The following DYNAP variants were observed in gnomAD, a reference collection of about 807,000 sequenced individuals.
DYNAP encodes dynactin-associated protein.
A neutral mutation model predicts 8.5 loss-of-function variants in DYNAP; 7 were observed. The ratio of observed to expected loss-of-function variants is 0.82; its 90% CI spans 0.47 to 1.54. The LOEUF is 1.54. Among genes scored for constraint, DYNAP ranks in the 40% most tolerant of loss-of-function variants. The pLI is 0.01. For missense variants in DYNAP, 256 were observed against 224.3 expected, an observed-to-expected ratio of 1.14 and a Z score of -0.90; for synonymous variants, 77 against 77.9, an observed-to-expected ratio of 0.99 and a Z score of 0.06.
At chr18:54,589,220 C>CT (rs1910979948), upstream of DYNAP, among the ~76,000 whole-genome samples, 4 of 152,090 alleles carry the variant, frequency 2.6e-5, no homozygotes, top group South Asian at 8.3e-4. Flanking sequence ...CCCTTGCCGC[C>CT]TTAGAGTGGA....
In DYNAP at chr18:54,598,594, A is replaced by G. The variant is rs1421687104; in HGVS notation, c.*449A>G. 3.1e-5 allele frequency: 5 copies of G among 159,912 alleles called. No homozygotes were observed. Among genetic ancestry groups the G allele is most frequent in the African/African-American group, 1.2e-4 (5 of 41,706 alleles). The allele number at this position is 159,912 out of a possible 1,614,324, so 9.9% of individuals were successfully genotyped here. On this transcript the variant is annotated 3_prime_UTR_variant, in exon 3 of 3. Coordinates refer to ENST00000648945, the MANE Select transcript of DYNAP (RefSeq NM_173629.3). ...CCTACAAACCATAAATTCTCATCAG[A>G]TGGGTTTTATTTAACCCTGTATATT...
chr18:54,578,810 T>A, the DYNAP span, among the ~76,000 whole-genome samples: 1 of 152,120 alleles, frequency 6.6e-6, no homozygotes, highest in Non-Finnish European at 1.5e-5. Context: ...ATTATTATTA[T>A]TTTTTTGAGA....
At position 54,599,322 on chromosome 18, in the gene DYNAP, C is replaced by G. The variant is rs1911439655; in HGVS notation, c.*1177C>G. On this transcript the variant is annotated 3_prime_UTR_variant, in exon 3 of 3. Coordinates refer to ENST00000648945, the MANE Select transcript of DYNAP (RefSeq NM_173629.3). ...ACTTAAAACTTGATAGAACTAGCATCAGTCATCAAAATAACCTGTTCTATA... is the reference window on the plus strand; with the variant it reads ...ACTTAAAACTTGATAGAACTAGCATGAGTCATCAAAATAACCTGTTCTATA... 6.6e-6 allele frequency: 1 copy of G among 152,116 alleles called. No homozygotes were observed. Among genetic ancestry groups the G allele is most frequent in the South Asian group, 2.1e-4 (1 of 4,826 alleles). The allele number at this position is 152,116 out of a possible 1,614,324, so 9.4% of individuals were successfully genotyped here.
the DYNAP span, among the ~76,000 whole-genome samples, chr18:54,577,032 A>G: frequency 6.6e-6 from 1 of 152,214 alleles, no homozygotes; most frequent in African/African-American, 2.4e-5. Context: ...ATATGTTTGT[A>G]GTAGCTAACT....
upstream of DYNAP, chr18:54,591,193 T>G (rs754435214): frequency 1.3e-5 from 21 of 1,607,438 alleles, no homozygotes; most frequent in Non-Finnish European, 1.8e-5. Flanking sequence ...CCACCAGTGT[T>G]TTAATTGTTT....
upstream of DYNAP, among the ~76,000 whole-genome samples, chr18:54,585,201 A>C (rs1158065880): frequency 6.6e-6 from 1 of 152,116 alleles, no homozygotes; most frequent in Non-Finnish European, 1.5e-5. Context: ...GATTGTATTA[A>C]AATCTAAATT....
the DYNAP span, among the ~76,000 whole-genome samples, chr18:54,579,383 A>G: frequency 7.7e-6 from 1 of 129,088 alleles, no homozygotes; most frequent in Non-Finnish European, 1.6e-5. Flanking sequence ...TCAAAACTCA[A>G]ATAATTCTGT....
At chr18:54,585,906 G>A (rs944240389), upstream of DYNAP, among the ~76,000 whole-genome samples, 2 of 152,178 alleles carry the variant, frequency 1.3e-5, no homozygotes, top group Non-Finnish European at 2.9e-5. Flanking sequence ...CTCTGAGACT[G>A]CTTGGTTTGC....
chr18:54,595,236 T>G (rs1228852485), intron 2 of DYNAP, 133 bp downstream of exon 2: 12 of 1,058,710 alleles, frequency 1.1e-5, no homozygotes, highest in Non-Finnish European at 1.5e-5. Flanking sequence ...TTTGCTGTAT[T>G]CTCAGTATAG....
chr18:54,575,893 A>C, the DYNAP span, among the ~76,000 whole-genome samples: 1 of 152,132 alleles, frequency 6.6e-6, no homozygotes, highest in Non-Finnish European at 1.5e-5. Context: ...CAATTTCCTC[A>C]TGTCTCTTCC....
At chr18:54,582,204 T>A in the DYNAP span, among the ~76,000 whole-genome samples, 1 of 152,040 alleles carries the variant, frequency 6.6e-6, no homozygotes, top group African/African-American at 2.4e-5. Context: ...GAGAATGGTG[T>A]GAACCCGGGA....
upstream of DYNAP, among the ~76,000 whole-genome samples, chr18:54,584,503 A>G (rs1286197931): frequency 6.6e-6 from 1 of 152,098 alleles, no homozygotes; most frequent in African/African-American, 2.4e-5. Flanking sequence ...AGTTGTATAA[A>G]TATAATCTGG....
the DYNAP span, among the ~76,000 whole-genome samples, chr18:54,579,669 A>G: frequency 6.6e-6 from 1 of 152,242 alleles, no homozygotes; most frequent in Admixed American, 6.5e-5. Context: ...ATGGTTGAAC[A>G]TCAAGAAAAA....
At chr18:54,597,551 A>G (rs1437611450) in intron 2 of DYNAP, among the ~76,000 whole-genome samples, 1 of 152,170 alleles carries the variant, frequency 6.6e-6, no homozygotes, top group Non-Finnish European at 1.5e-5. Context: ...TGCTCTGAAA[A>G]TAAAGTCTGT....
upstream of DYNAP, among the ~76,000 whole-genome samples, chr18:54,584,132 T>G (rs1213755863): frequency 1.3e-5 from 2 of 151,818 alleles, no homozygotes; most frequent in Non-Finnish European, 2.9e-5. Context: ...GGAGTGAATA[T>G]TCATACAACT....
chr18:54,577,760 A>G, the DYNAP span, among the ~76,000 whole-genome samples: 3 of 151,770 alleles, frequency 2.0e-5, no homozygotes, highest in Non-Finnish European at 2.9e-5. Context: ...ACAAAGTCAG[A>G]AGTTCGAGAC....
rs1409360200 is a variant in DYNAP at position 54,598,255 on chromosome 18, A to G, written c.*110A>G. On this transcript the variant is annotated 3_prime_UTR_variant, in exon 3 of 3. Coordinates refer to ENST00000648945, the MANE Select transcript of DYNAP (RefSeq NM_173629.3). ...TCACTTCAAGTGGAATCATGGCTGC[A>G]GTCACTTTAACAGACTCTATAACCG... 8.5e-7 allele frequency: 1 copy of G among 1,176,860 alleles called. No individual in the cohort carries two copies. Among genetic ancestry groups the G allele is most frequent in the Non-Finnish European group, 1.2e-6 (1 of 843,406 alleles). 72.9% of individuals were successfully genotyped at this position (1,176,860 alleles called of 1,614,324 possible).
chr18:54,576,801 C>CCAACAA, the DYNAP span, among the ~76,000 whole-genome samples: 35 of 149,690 alleles, frequency 2.3e-4, no homozygotes, highest in East Asian at 6.0e-4. Context: ...AGATCTTATC[C>CCAACAA]CAACAACAAC....
At chr18:54,587,300 C>G (rs1332080187), upstream of DYNAP, among the ~76,000 whole-genome samples, 1 of 152,068 alleles carries the variant, frequency 6.6e-6, no homozygotes, top group East Asian at 1.9e-4. Context: ...AACTGGAGTT[C>G]CTGCTACTTG....
Sources: gnomAD v4.1 joint callset for allele counts (sites outside exome capture counted in the v4.1 genomes callset) on GRCh38, gnomAD v4.1.1 for gene constraint, MANE v1.5 for transcripts, NCBI Gene and HGNC (gene_info 2026-07-23, HGNC 2026-07-21) for gene names.